The following TRMT5 variants were observed in gnomAD, a reference collection of about 807,000 sequenced individuals.
TRMT5 encodes tRNA (guanine(37)-N(1))-methyltransferase.
A neutral mutation model predicts 42.2 loss-of-function variants in TRMT5; 31 were observed. That is an observed-to-expected ratio of 0.73 (90% CI 0.55 to 0.99). The LOEUF is 0.99. Among genes scored for constraint, TRMT5 ranks in the 50% least tolerant of loss-of-function variants. The pLI, the probability that TRMT5 is intolerant of heterozygous loss-of-function variation, is 0.00. For missense variants in TRMT5, 568 were observed against 595.0 expected, an observed-to-expected ratio of 0.95 and a Z score of 0.47; for synonymous variants, 198 against 209.6, an observed-to-expected ratio of 0.94 and a Z score of 0.48.
intron 2 of TRMT5, 146 bp downstream of exon 2, chr14:60,979,085 G>T: frequency 1.4e-6 from 1 of 712,792 alleles, no homozygotes; most frequent in Non-Finnish European, 2.3e-6. Flanking sequence ...TCAAAAGAGG[G>T]TATGTAGCTC....
rs1195378279 is a variant in TRMT5, at chr14:60,974,617, CG to C, written c.*491del. The C allele has an allele frequency of 1.3e-5, 2 of 152,064 alleles. No individual in the cohort carries two copies. The highest frequency in any genetic ancestry group is 2.9e-5 in the Non-Finnish European group (2 of 68,012). The allele number at this position is 152,064 out of a possible 1,614,324, so 9.4% of individuals were successfully genotyped here. A position where few individuals can be genotyped will look rare whatever the true frequency, so the allele number is the denominator to read the frequency against. ...TGATTATTTTTCAACCAATGGAAAA[CG>C]TAAGAACATTATTAGGCCACAGGCC... is the stretch of plus-strand genomic sequence containing the variant. On this transcript the variant is annotated 3_prime_UTR_variant, in exon 5 of 5. Transcript: ENST00000261249.
chr14:60,980,293 A>T (rs1407311843), intron 1 of TRMT5, among the ~76,000 whole-genome samples: 1 of 152,196 alleles, frequency 6.6e-6, no homozygotes, highest in African/African-American at 2.4e-5. Flanking sequence ...ATGGGTGCTT[A>T]TTGTGTCAGA....
At chr14:60,981,473 C>G (rs1300752212), upstream of TRMT5, 1 of 1,540,102 alleles carries the variant, frequency 6.5e-7, no homozygotes, top group Non-Finnish European at 8.7e-7. Context: ...AGGACCGCAC[C>G]GGGACAGGGG....
rs2036772702 is a variant in TRMT5, at chr14:60,971,458, A to G, written c.*3651T>C. 1.3e-5 allele frequency: 2 copies of G among 152,320 alleles called. No individual in the cohort carries two copies. Among genetic ancestry groups the G allele is most frequent in the Admixed American group, 6.5e-5 (1 of 15,272 alleles). The allele number at this position is 152,320 out of a possible 1,614,324, so 9.4% of individuals were successfully genotyped here. The stretch of plus-strand genomic sequence containing the variant: ...TGCCACACTTTTTTTTTTCTTTCAA[A>G]CTGTATCCAGCTTTATTAAAGATAC... On this transcript the variant is annotated 3_prime_UTR_variant, in exon 5 of 5. Transcript: ENST00000261249.
chr14:60,976,565 T>A (rs2139641704), intron 3 of TRMT5, among the ~76,000 whole-genome samples: 1 of 152,340 alleles, frequency 6.6e-6, no homozygotes, highest in African/African-American at 2.4e-5. Context: ...CAGACAGTAC[T>A]TCTATGCAGC....
At position 60,975,645 on chromosome 14, in the gene TRMT5, G is replaced by C. The variant is rs1313163651; in HGVS notation, c.1274C>G (p.Ala425Gly). The change falls in exon 4 of 5, where the codon GCT becomes GGT. Residue 425 changes from alanine to glycine, a missense_variant. Transcript: ENST00000261249. Reference sequence around the variant, plus strand: ...TTGCCGAACATCCTCAGCAGGGTTAGCATCTTTGGAAAAGCTATAACAATG... The same window carrying C: ...TTGCCGAACATCCTCAGCAGGGTTACCATCTTTGGAAAAGCTATAACAATG... ...IVHCYSFSKD[A>G]NPAEDVRQRA... The C allele has an allele frequency of 6.2e-7, 1 of 1,614,098 alleles. No individual in the cohort carries two copies. Among genetic ancestry groups the C allele is most frequent in the Non-Finnish European group, 8.5e-7 (1 of 1,180,052 alleles).
Position 60,975,950 on chromosome 14 carries a change from T to C in TRMT5, c.969A>G (p.Val323=). The change falls in exon 4 of 5, where the codon GTA becomes GTG. Residue 323 remains valine, a synonymous_variant. Transcript: ENST00000261249. ...ATTCAGGATTGAGATCATTGGCAAATACAGTGCAGTTTTTCTTTGCTACTG... is the reference window on the plus strand; with the variant it reads ...ATTCAGGATTGAGATCATTGGCAAACACAGTGCAGTTTTTCTTTGCTACTG... The part of the protein sequence containing the change: ...AIPVAKKNCT[V]FANDLNPESH... 1.2e-6 allele frequency: 2 copies of C among 1,614,146 alleles called. No individual in the cohort carries two copies. The highest frequency in any genetic ancestry group is 2.2e-5 in the South Asian group (2 of 91,076).
At chr14:60,976,225 A>C (rs577775360) in intron 3 of TRMT5, 99 bp from the exon 4 acceptor site, 171 of 1,367,144 alleles carry the variant, frequency 1.3e-4, no homozygotes, top group Non-Finnish European at 6.9e-6. Flanking sequence ...AAACACATAC[A>C]CATTTAAGTT....
At chr14:60,981,690 T>C (rs1431027328), upstream of TRMT5, 2 of 1,361,478 alleles carry the variant, frequency 1.5e-6, no homozygotes, top group Non-Finnish European at 1.9e-6. Flanking sequence ...TCACTGCTGT[T>C]AGTTAGTATT....
Position 60,972,098 on chromosome 14 carries a change from C to A in TRMT5, c.*3011G>T, listed in dbSNP as rs527360404. 3 of 355,486 alleles carry A rather than the reference C, an allele frequency of 8.4e-6. No homozygotes were observed. Among genetic ancestry groups the A allele is most frequent in the African/African-American group, 4.3e-5 (2 of 46,658 alleles). 22.0% of individuals were successfully genotyped at this position (355,486 alleles called of 1,614,324 possible). On this transcript the variant is annotated 3_prime_UTR_variant, in exon 5 of 5. Transcript: ENST00000261249. ...ATTCTATTAGTGACACATACCCCTT[C>A]CCCCAAAAACAACAATGAAGTGTTC...
chr14:60,981,586 T>C (rs894216865), upstream of TRMT5: 3 of 1,513,346 alleles, frequency 2.0e-6, no homozygotes, highest in Admixed American at 2.0e-5. Context: ...TAGCATACTC[T>C]AGAAAGAAAA....
Position 60,981,060 on chromosome 14 carries a change from T to G in TRMT5, c.-87A>C, listed in dbSNP as rs1594932275. ...GTACCGATCGGATGTGGGTCGCGGGTGGATGGGCGGGTCTTCTATGACATC... is the reference window on the plus strand; with the variant it reads ...GTACCGATCGGATGTGGGTCGCGGGGGGATGGGCGGGTCTTCTATGACATC... On this transcript the variant is annotated 5_prime_UTR_variant, in exon 1 of 5. Transcript: ENST00000261249. 2.5e-6 allele frequency: 4 copies of G among 1,607,244 alleles called. No homozygotes were observed. The highest frequency in any genetic ancestry group is 2.5e-6 in the Non-Finnish European group (3 of 1,179,776).
Position 60,981,050 on chromosome 14 carries a change from G to A in TRMT5, c.-77C>T, listed in dbSNP as rs1263852360. ...TCCCGCTCCGGTACCGATCGGATGT[G>A]GGTCGCGGGTGGATGGGCGGGTCTT... On this transcript the variant is annotated 5_prime_UTR_variant, in exon 1 of 5. Transcript: ENST00000261249. The A allele has an allele frequency of 1.2e-6, 2 of 1,608,578 alleles. No homozygotes were observed. Among genetic ancestry groups the A allele is most frequent in the Non-Finnish European group, 1.7e-6 (2 of 1,179,932 alleles).
At chr14:60,981,662 G>A (rs1281192763), upstream of TRMT5, 1 of 1,421,900 alleles carries the variant, frequency 7.0e-7, no homozygotes, top group South Asian at 1.2e-5. Context: ...TGGGATGAGC[G>A]GCCCTAGGAT....
At chr14:60,980,442 T>G (rs1188987901) in intron 1 of TRMT5, among the ~76,000 whole-genome samples, 1 of 152,200 alleles carries the variant, frequency 6.6e-6, no homozygotes, top group Non-Finnish European at 1.5e-5. Context: ...TGGCTAAACA[T>G]GGATTAAAAC....
chr14:60,975,332 T>C, intron 4 of TRMT5, 138 bp from the exon 5 acceptor site: 1 of 1,312,530 alleles, frequency 7.6e-7, no homozygotes, highest in Non-Finnish European at 1.0e-6. Context: ...ACTATTTTAA[T>C]GAAATAGCCT....
rs770753163 is a variant in TRMT5 at position 60,979,702 on chromosome 14, G to A, written c.196C>T (p.His66Tyr). The change falls in exon 2 of 5, where the codon CAT becomes TAT. Residue 66 changes from histidine (H) to tyrosine (Y), a missense_variant. Physicochemically the swap from His to Tyr is moderately conservative, Grantham distance 83 (BLOSUM62 2). Coordinates refer to ENST00000261249, the MANE Select transcript of TRMT5 (RefSeq NM_020810.3). ...RFSTMPETET[H>Y]ERETELFSPP... ...GAAAACAATTCAGTCTCTCTCTCAT[G>A]TGTTTCTGTTTCTGGCATGGTTGAG... is the stretch of plus-strand genomic sequence containing the variant. The A allele has an allele frequency of 1.2e-5, 19 of 1,614,008 alleles. No individual in the cohort carries two copies. Among genetic ancestry groups the A allele is most frequent in the Non-Finnish European group, 1.5e-5 (18 of 1,180,038 alleles).
At position 60,975,591 on chromosome 14, in the gene TRMT5, A is replaced by G. The variant is rs1205831849; in HGVS notation, c.1328T>C (p.Leu443Pro). 6.2e-7 allele frequency: 1 copy of G among 1,614,212 alleles called. No homozygotes were observed. The highest frequency in any genetic ancestry group is 1.1e-5 in the South Asian group (1 of 91,084). Reference protein sequence around the residue: ...QRAGAVLGISLEACSSVHLVR... With the variant: ...QRAGAVLGISPEACSSVHLVR... Reference sequence around the variant, plus strand: ...CAGGTGAACTGAACTGCATGCCTCCAGAGAAATGCCTAACACAGCTCCAGC... The same window carrying G: ...CAGGTGAACTGAACTGCATGCCTCCGGAGAAATGCCTAACACAGCTCCAGC... Residue 443 changes from leucine to proline, a missense_variant, in exon 4 of 5, where the codon CTG becomes CCG. Leu to Pro is a moderately conservative substitution (Grantham distance 98). Coordinates refer to ENST00000261249, the MANE Select transcript of TRMT5 (RefSeq NM_020810.3).
Position 60,975,193 on chromosome 14 carries a change from C to T in TRMT5, c.1446G>A (p.Glu482=), listed in dbSNP as rs772740742. 7.5e-6 allele frequency: 12 copies of T among 1,599,022 alleles called. No individual in the cohort carries two copies. The highest frequency in any genetic ancestry group is 9.4e-6 in the Non-Finnish European group (11 of 1,175,370). Residue 482 remains glutamate (E), a splice_region_variant and synonymous_variant, in exon 5 of 5, where the codon GAG becomes GAA. Coordinates refer to ENST00000261249, the MANE Select transcript of TRMT5 (RefSeq NM_020810.3). The part of the protein sequence containing the change: ...VLYKNQTRNP[E]NHEDPPLKRQ... ...TTTTAAGAGGTGGATCTTCATGATT[C>T]TCTGTAATAAATCCAGAAAACCTAT...
Sources: allele counts gnomAD v4.1 joint callset (sites outside exome capture counted in the v4.1 genomes callset), GRCh38; gene constraint gnomAD v4.1.1; transcripts MANE v1.5; gene names NCBI Gene and HGNC (gene_info 2026-07-23, HGNC 2026-07-21).